THSD4: variants seen among roughly 807,000 people sequenced by gnomAD.
THSD4 encodes thrombospondin type 1 domain containing 4, also known as thrombospondin type-1 domain-containing protein 4.
In THSD4, 69 loss-of-function variants were observed where a neutral mutation model predicts 119.0. That is an observed-to-expected ratio of 0.58 (90% CI 0.48 to 0.71). THSD4 has a LOEUF of 0.71. Ranked by LOEUF, THSD4 falls within the 30% of genes least tolerant of loss-of-function variation. The pLI is 0.00. For synonymous variants in THSD4, 524 were observed against 540.4 expected, an observed-to-expected ratio of 0.97 and a Z score of 0.42; for missense variants, 1,393 against 1,391.1, an observed-to-expected ratio of 1.00 and a Z score of -0.02.
At position 71,584,245 on chromosome 15, in the gene THSD4, A is replaced by AT. The variant is rs1304002060; in HGVS notation, c.1153-76275dup. Among the ~76,000 whole-genome samples the AT allele has an allele frequency of 4.9e-3, 318 of 65,362 alleles. 2 individuals are homozygous for AT. Among genetic ancestry groups the AT allele is most frequent in the African/African-American group, 0.015 (288 of 19,316 alleles). The allele number at this position is 65,362 out of a possible 152,430, so 42.9% of individuals were successfully genotyped here. On this transcript the variant is annotated intron_variant, in intron 7 of 17. Transcript: ENST00000261862. ...TCTTTTTTGGTTACCATTCACGTGG[A>AT]TTTTTTTTTTCACTTTCTTTTTTTT...
intron 6 of THSD4, among the ~76,000 whole-genome samples, chr15:71,328,007 C>CAAAA (rs566331755): frequency 1.2e-3 from 177 of 152,286 alleles, no homozygotes; most frequent in African/African-American, 4.1e-3. Context: ...AGGAATGGGA[C>CAAAA]AAAAGTAAAG....
rs1308442873 is a variant in THSD4, at chr15:71,738,013, C to A, written c.1906+6C>A. 4 of 1,612,836 alleles carry A rather than the reference C, an allele frequency of 2.5e-6. No individual in the cohort carries two copies. The highest frequency in any genetic ancestry group is 1.1e-5 in the South Asian group (1 of 90,876). On this transcript the variant is annotated splice_donor_region_variant and intron_variant, in intron 11 of 17. Transcript: ENST00000261862. Reference sequence around the variant, plus strand: ...TTCCACGACCTGTGGGAAAGGTGAGCCTGTGTGGGGGACGGGTGGATCCCT... The same window carrying A: ...TTCCACGACCTGTGGGAAAGGTGAGACTGTGTGGGGGACGGGTGGATCCCT...
At chr15:71,139,920 TTTATTCTC>T (rs2040586917) in intron 1 of THSD4, among the ~76,000 whole-genome samples, 1 of 152,246 alleles carries the variant, frequency 6.6e-6, no homozygotes, top group South Asian at 2.1e-4. Context: ...CATGTTCTGT[TTTATTCTC>T]TAAGTTTTAC....
intron 6 of THSD4, among the ~76,000 whole-genome samples, chr15:71,276,679 G>A (rs1417997090): frequency 1.3e-5 from 2 of 152,154 alleles, no homozygotes; most frequent in African/African-American, 4.8e-5. Context: ...TATTAAAGAC[G>A]ATGAGCTTCA....
At chr15:71,252,651 A>G in intron 5 of THSD4, among the ~76,000 whole-genome samples, 1 of 152,234 alleles carries the variant, frequency 6.6e-6, no homozygotes, top group Non-Finnish European at 1.5e-5. Flanking sequence ...AGTGGTTACT[A>G]TGATGGATTC....
intron 7 of THSD4, among the ~76,000 whole-genome samples, chr15:71,580,850 C>G (rs1008051198): frequency 6.6e-5 from 10 of 151,922 alleles, no homozygotes; most frequent in Non-Finnish European, 1.5e-4. Flanking sequence ...GAATAATATT[C>G]CATTATATAC....
chr15:71,363,496 A>C (rs2045920489), intron 6 of THSD4, among the ~76,000 whole-genome samples: 1 of 152,198 alleles, frequency 6.6e-6, no homozygotes, highest in South Asian at 2.1e-4. Flanking sequence ...GAATGAGCAT[A>C]CTGTGTTTCT....
intron 6 of THSD4, among the ~76,000 whole-genome samples, chr15:71,334,337 A>G (rs527495910): frequency 6.6e-6 from 1 of 152,226 alleles, no homozygotes; most frequent in African/African-American, 2.4e-5. Context: ...TGAAACCGAC[A>G]CTCGACTACC....
intron 7 of THSD4, among the ~76,000 whole-genome samples, chr15:71,442,660 G>GTGTGTGTGTATGTATATA: frequency 3.9e-5 from 1 of 25,818 alleles, no homozygotes. Context: ...GTGTGTGTGT[G>GTGTGTGTGTATGTATATA]TATATATATA....
At chr15:71,471,793 C>T (rs546812818) in intron 7 of THSD4, among the ~76,000 whole-genome samples, 1 of 152,148 alleles carries the variant, frequency 6.6e-6, no homozygotes, top group African/African-American at 2.4e-5. Flanking sequence ...CCATAGTGCT[C>T]AATCAACACT....
At chr15:71,233,760 C>T (rs2044079973) in intron 4 of THSD4, among the ~76,000 whole-genome samples, 1 of 152,186 alleles carries the variant, frequency 6.6e-6, no homozygotes, top group South Asian at 2.1e-4. Flanking sequence ...TTTTCTATAA[C>T]TAGATGTGGT....
intron 1 of THSD4, among the ~76,000 whole-genome samples, chr15:71,121,169 C>G (rs1192050275): frequency 6.6e-6 from 1 of 152,146 alleles, no homozygotes; most frequent in African/African-American, 2.4e-5. Flanking sequence ...CCTCCTTTCC[C>G]CGGCCAGGCA....
chr15:71,389,038 T>G (rs1400268894), intron 6 of THSD4, among the ~76,000 whole-genome samples: 1 of 152,148 alleles, frequency 6.6e-6, no homozygotes, highest in Non-Finnish European at 1.5e-5. Context: ...CATGTAAGAC[T>G]TGCCTTTCAC....
intron 6 of THSD4, among the ~76,000 whole-genome samples, chr15:71,346,775 T>A (rs958991121): frequency 6.6e-6 from 1 of 152,218 alleles, no homozygotes; most frequent in African/African-American, 2.4e-5. Flanking sequence ...ATATTTATTA[T>A]GTGTGTATTT....
chr15:71,393,293 T>C (rs774862182), intron 6 of THSD4, among the ~76,000 whole-genome samples: 2 of 151,732 alleles, frequency 1.3e-5, no homozygotes, highest in Non-Finnish European at 2.9e-5. Context: ...CCTGAAATAG[T>C]CTCTCAGCAA....
At chr15:71,493,794 C>G (rs559610953) in intron 7 of THSD4, among the ~76,000 whole-genome samples, 1 of 152,358 alleles carries the variant, frequency 6.6e-6, no homozygotes, top group East Asian at 1.9e-4. Flanking sequence ...TCTGTCAAAT[C>G]AGCCACGGCT....
chr15:71,607,509 T>G (rs1001525770), intron 7 of THSD4, among the ~76,000 whole-genome samples: 1 of 152,190 alleles, frequency 6.6e-6, no homozygotes, highest in Admixed American at 6.5e-5. Context: ...TTCCCTGTCA[T>G]TCCGGTGAAA....
chr15:71,676,772 G>T (rs561188229), intron 8 of THSD4, among the ~76,000 whole-genome samples: 1 of 152,276 alleles, frequency 6.6e-6, no homozygotes, highest in Admixed American at 6.5e-5. Flanking sequence ...ATGTTTTCAA[G>T]ATTCATCCCT....
At chr15:71,566,908 T>C (rs1275829837) in intron 7 of THSD4, among the ~76,000 whole-genome samples, 1 of 152,106 alleles carries the variant, frequency 6.6e-6, no homozygotes, top group Non-Finnish European at 1.5e-5. Context: ...GTCATTTTTT[T>C]TTTTCCCTAA....
Sources: allele counts gnomAD v4.1 joint callset (sites outside exome capture counted in the v4.1 genomes callset), GRCh38; gene constraint gnomAD v4.1.1; transcripts MANE v1.5; gene names NCBI Gene and HGNC (gene_info 2026-07-23, HGNC 2026-07-21).